The following NCOR2 variants were observed in gnomAD, a reference collection of about 807,000 sequenced individuals.
NCOR2 encodes nuclear receptor corepressor 2.
In NCOR2, 81 loss-of-function variants were observed where a neutral mutation model predicts 262.9. The ratio of observed to expected loss-of-function variants is 0.31; its 90% CI spans 0.26 to 0.37. The LOEUF is 0.37. Ranked by LOEUF, NCOR2 falls within the 10% of genes least tolerant of loss-of-function variation. The pLI is 1.00. For missense variants in NCOR2, 3,385 were observed against 3,621.4 expected, an observed-to-expected ratio of 0.93 and a Z score of 1.68; for synonymous variants, 1,659 against 1,559.3, an observed-to-expected ratio of 1.06 and a Z score of -1.51.
intron 41 of NCOR2, 195 bp downstream of exon 43, chr12:124,334,229 G>T (rs1380419766): frequency 1.2e-5 from 6 of 515,556 alleles, no homozygotes; most frequent in Non-Finnish European, 1.4e-5. Context: ...AGCACAGCAT[G>T]TACTTTCATC....
chr12:124,477,212 T>C lies in NCOR2; in HGVS notation c.412-4081A>G, dbSNP rs542282993. Among the ~76,000 whole-genome samples the C allele has an allele frequency of 9.2e-5, 14 of 152,320 alleles. No individual in the cohort carries two copies. The South Asian group carries it at 2.3e-3, about 25-fold the overall frequency. The stretch of plus-strand genomic sequence containing the variant: ...GGGCCAAGTGGAGGTCATTGAATCA[T>C]GGTGGCGGTTTCCCCCGTCCTGTTC... On this transcript the variant is annotated intron_variant, in intron 3 of 46. Transcript: ENST00000405201.
chr12:124,500,466 C>T (rs1482179270), intron 1 of NCOR2, among the ~76,000 whole-genome samples: 1 of 152,258 alleles, frequency 6.6e-6, no homozygotes, highest in African/African-American at 2.4e-5. Flanking sequence ...GTTTCCAAAT[C>T]CACAGCGGAA....
chr12:124,517,617 C>T lies in NCOR2; in HGVS notation c.-118+17948G>A, dbSNP rs934542935. Among the ~76,000 whole-genome samples, 6 of 152,196 alleles carry T rather than the reference C, an allele frequency of 3.9e-5. No homozygotes were observed. Among genetic ancestry groups the T allele is most frequent in the African/African-American group, 9.6e-5 (4 of 41,454 alleles). ...CAGGGCAGAGCCTCGGGAGCGCCCACGATCACATGCCCTCCTGAAGTCAAC... is the reference window on the plus strand; with the variant it reads ...CAGGGCAGAGCCTCGGGAGCGCCCATGATCACATGCCCTCCTGAAGTCAAC... On this transcript the variant is annotated intron_variant, in intron 1 of 46. Coordinates refer to the NCOR2 transcript ENST00000404621. This position sits in a 1 kb window ranked among gnomAD's most constrained non-coding sequence, Gnocchi z 7.6.
intron 43 of NCOR2, 61 bp from the exon 46 acceptor site, chr12:124,330,959 A>C: frequency 6.5e-7 from 1 of 1,531,410 alleles, no homozygotes; most frequent in Non-Finnish European, 8.9e-7. Flanking sequence ...CTGCCCTACC[A>C]GTCCCGTGTG....
Position 124,566,716 on chromosome 12 carries a change from C to T in NCOR2, c.-165+592G>A, listed in dbSNP as rs758302269. Among the ~76,000 whole-genome samples, 1 of 152,214 alleles carries T rather than the reference C, an allele frequency of 6.6e-6. No homozygotes were observed. The highest frequency in any genetic ancestry group is 2.4e-5 in the African/African-American group (1 of 41,452). The stretch of plus-strand genomic sequence containing the variant: ...AGGCAGGCCCAGACACCAGGAACAC[C>T]GGCCCGCGGGGGAGGGGGACCAGGG... On this transcript the variant is annotated intron_variant, in intron 1 of 32. Transcript: ENST00000458234. This position sits in a 1 kb window ranked among gnomAD's most constrained non-coding sequence, Gnocchi z 4.3.
At chr12:124,559,843 G>A (rs762846243) in intron 1 of NCOR2, among the ~76,000 whole-genome samples, 4 of 152,192 alleles carry the variant, frequency 2.6e-5, no homozygotes, top group Admixed American at 6.5e-5. Context: ...GATGGATTAC[G>A]GCTTTGGAAA....
chr12:124,329,038 G>A (rs1167769114), intron 44 of NCOR2: 6 of 456,346 alleles, frequency 1.3e-5, no homozygotes, highest in Non-Finnish European at 2.7e-5. Context: ...CCAAGGCCAC[G>A]AGTCCGTGAC....
intron 43 of NCOR2, chr12:124,332,060 G>C (rs183235783): frequency 6.2e-6 from 3 of 482,604 alleles, no homozygotes; most frequent in African/African-American, 5.8e-5. Context: ...ATTCATGCAG[G>C]TATTCACTGG....
chr12:124,351,350 C>A (rs1400274551), intron 27 of NCOR2, among the ~76,000 whole-genome samples: 2 of 151,430 alleles, frequency 1.3e-5, no homozygotes, highest in Admixed American at 6.6e-5. Context: ...CACCTCGGCC[C>A]TCCTGACAGC....
At chr12:124,385,397 GAA>G in intron 17 of NCOR2, among the ~76,000 whole-genome samples, 1 of 152,166 alleles carries the variant, frequency 6.6e-6, no homozygotes, top group Non-Finnish European at 1.5e-5. Context: ...CTGACAGCCC[GAA>G]TTCCTGGCTG....
rs201708257 is a variant in NCOR2, at chr12:124,326,310, G to A, written c.7244C>T (p.Ala2415Val). The change falls in exon 46 of 47, where the codon GCC (alanine) becomes GTC (valine). Residue 2415 changes from alanine to valine, a missense_variant. Physicochemically the swap from Ala to Val is moderately conservative, Grantham distance 64. Transcript: ENST00000405201. ...CCGGTCCCCAGATGCCAGGCCCGGG[G>A]CCGGGGACTTGGCTTTTCGGCTGCT... 19 of 1,554,596 alleles carry A rather than the reference G, an allele frequency of 1.2e-5. No homozygotes were observed. In the African/African-American group the frequency reaches 1.5e-4, roughly 12 times the overall value.
In NCOR2 at chr12:124,332,465, C is replaced by G. The variant is rs769109806; in HGVS notation, c.6758G>C (p.Arg2253Thr). ...GTTGCCTGGAGACTTGGAGCCCATC[C>G]TGCTGTGAGGATCAAACACCTCACA... The change falls in exon 43 of 47, where the codon AGG (arginine) becomes ACG (threonine). Residue 2253 changes from arginine (R) to threonine (T), a missense_variant and splice_region_variant. By Grantham distance (71) the Arg-to-Thr change is moderately conservative (BLOSUM62 -1). Transcript: ENST00000405201. 5.0e-6 allele frequency: 8 copies of G among 1,614,198 alleles called. No homozygotes were observed. The Admixed American group carries it at 6.7e-5, about 13-fold the overall frequency.
chr12:124,349,202 G>T (rs2037214274), intron 28 of NCOR2, among the ~76,000 whole-genome samples: 1 of 152,210 alleles, frequency 6.6e-6, no homozygotes. Flanking sequence ...AGGCAGAGAG[G>T]TGAACAGACG....
In NCOR2 at chr12:124,523,068, C is replaced by A. The variant is rs1828093413; in HGVS notation, c.-118+12497G>T. ...ACCAAAATGCATCCTATTTCCCCAT[C>A]CAGGCCCGGGATTCTTCTCCACAAA... On this transcript the variant is annotated intron_variant, in intron 1 of 46. Coordinates refer to the NCOR2 transcript ENST00000404621. This position sits in a 1 kb window ranked among gnomAD's most constrained non-coding sequence, Gnocchi z 4.0. Among the ~76,000 whole-genome samples the A allele has an allele frequency of 6.6e-6, 1 of 152,244 alleles. No individual in the cohort carries two copies. Among genetic ancestry groups the A allele is most frequent in the Admixed American group, 6.5e-5 (1 of 15,284 alleles).
intron 16 of NCOR2, chr12:124,388,715 A>C: frequency 7.7e-7 from 1 of 1,304,296 alleles, no homozygotes; most frequent in Non-Finnish European, 1.0e-6. Flanking sequence ...CCCTCGGCCA[A>C]GTTTTCCGGA....
intron 20 of NCOR2, among the ~76,000 whole-genome samples, chr12:124,365,238 C>T (rs1462660460): frequency 6.6e-6 from 1 of 152,212 alleles, no homozygotes; most frequent in African/African-American, 2.4e-5. Context: ...TTCTGGGTGC[C>T]AGAAGCTGGC....
intron 5 of NCOR2, among the ~76,000 whole-genome samples, chr12:124,461,358 G>A (rs1176490599): frequency 2.6e-5 from 4 of 152,206 alleles, no homozygotes; most frequent in Admixed American, 6.5e-5. Context: ...CCCGCTCACC[G>A]TGGCGTCCAC....
chr12:124,525,916 C>A (rs948673499), intron 1 of NCOR2, among the ~76,000 whole-genome samples: 14 of 152,190 alleles, frequency 9.2e-5, no homozygotes, highest in African/African-American at 3.1e-4. Context: ...AAGGCTGCTG[C>A]AAAGAGTACA....
chr12:124,470,930 G>A (rs2046799380), intron 4 of NCOR2, among the ~76,000 whole-genome samples: 1 of 152,260 alleles, frequency 6.6e-6, no homozygotes, highest in Non-Finnish European at 1.5e-5. Context: ...ATGTGTGCCA[G>A]TGACCCGCAG....
Sources: allele counts gnomAD v4.1 joint callset (sites outside exome capture counted in the v4.1 genomes callset), GRCh38; gene constraint gnomAD v4.1.1; non-coding constraint Gnocchi (gnomAD v3.1); transcripts MANE v1.5; gene names NCBI Gene and HGNC (gene_info 2026-07-23, HGNC 2026-07-21).